Variants in SCRIB observed in about 807,000 individuals in gnomAD.
The protein encoded by SCRIB is scribble planar cell polarity protein.
In SCRIB, 72 loss-of-function variants were observed where a neutral mutation model predicts 170.0. The observed-to-expected ratio is 0.42, with a 90% CI of 0.35 to 0.52. SCRIB has a LOEUF of 0.52. SCRIB is among the 20% of genes least tolerant of loss of function. SCRIB has a pLI of 0.02. For missense variants in SCRIB, 2,475 were observed against 2,338.5 expected, an observed-to-expected ratio of 1.06 and a Z score of -1.20; for synonymous variants, 1,298 against 1,044.3, an observed-to-expected ratio of 1.24 and a Z score of -4.68.
chr8:143,810,821 A>G lies in SCRIB; in HGVS notation c.1274-5T>C, dbSNP rs1197639500. ...TCCCCTGCTGCCCAGCATCCTCTGC[A>G]GCAGGTGAGCGTCAGGACCCAGGCT... On this transcript the variant is annotated splice_polypyrimidine_tract_variant and splice_region_variant and intron_variant, in intron 11 of 36. Transcript: ENST00000356994. The G allele has an allele frequency of 1.9e-6, 3 of 1,601,470 alleles. No individual in the cohort carries two copies. The highest frequency in any genetic ancestry group is 2.5e-6 in the Non-Finnish European group (3 of 1,176,506).
intron 24 of SCRIB, among the ~76,000 whole-genome samples, chr8:143,801,467 C>T (rs1486855822): frequency 6.6e-6 from 1 of 152,164 alleles, no homozygotes; most frequent in Admixed American, 6.5e-5. Context: ...AGGAAAAAAC[C>T]AGAATCCAGA....
Position 143,811,174 on chromosome 8 carries a change from G to C in SCRIB, c.1078C>G (p.Leu360Val). 1 of 1,610,102 alleles carries C rather than the reference G, an allele frequency of 6.2e-7. No individual in the cohort carries two copies. The highest frequency in any genetic ancestry group is 8.5e-7 in the Non-Finnish European group (1 of 1,178,800). Reference protein sequence around the residue: ...LPPELAHTTELHVLDVAGNRL... With the variant: ...LPPELAHTTEVHVLDVAGNRL... ...TTCCCCGCCACGTCCAGCACGTGCA[G>C]CTCTGTCGTGTGGGCCAGCTCTGGT... The change falls in exon 10 of 37, where the codon CTG becomes GTG. Residue 360 changes from leucine to valine, a missense_variant. Coordinates refer to ENST00000356994, the MANE Select transcript of SCRIB (RefSeq NM_182706.5).
chr8:143,811,304 G>A lies in SCRIB; in HGVS notation c.948C>T (p.Asn316=), dbSNP rs770376893. ...RSLGKLTKLT[N]LNVDRNHLEA... Reference sequence around the variant, plus strand: ...CGAGGTGGTTCCGGTCCACGTTGAGGTTGGTCAGCTTAGTCAGCTTTCCCA... The same window carrying A: ...CGAGGTGGTTCCGGTCCACGTTGAGATTGGTCAGCTTAGTCAGCTTTCCCA... The change falls in exon 10 of 37, where the codon AAC becomes AAT. Residue 316 remains asparagine, a synonymous_variant. Transcript: ENST00000356994. The A allele has an allele frequency of 1.5e-5, 24 of 1,612,898 alleles. No homozygotes were observed. In the Admixed American group the frequency reaches 1.7e-4, roughly 11 times the overall value.
intron 1 of SCRIB, among the ~76,000 whole-genome samples, chr8:143,814,558 T>G (rs996733895): frequency 2.0e-5 from 3 of 152,096 alleles, no homozygotes; most frequent in African/African-American, 7.2e-5. Flanking sequence ...ACAGGCACAG[T>G]GCTACGCGCG....
At chr8:143,812,604 A>G (rs761978601) in intron 8 of SCRIB, among the ~76,000 whole-genome samples, 7 of 152,052 alleles carry the variant, frequency 4.6e-5, no homozygotes, top group Non-Finnish European at 7.4e-5. Flanking sequence ...CCGCCCTCAC[A>G]GACTCCACCG....
chr8:143,806,335 A>C (rs2130090887), intron 18 of SCRIB, 72 bp downstream of exon 18: 1 of 1,225,788 alleles, frequency 8.2e-7, no homozygotes, highest in Non-Finnish European at 1.2e-6. Flanking sequence ...GCAGCCAAGC[A>C]CCCTAATACC....
Position 143,803,793 on chromosome 8 carries a change from G to A in SCRIB, c.3268C>T (p.Arg1090Trp), listed in dbSNP as rs782514201. ...RPCLELSLLVRRDPAPPGLRE... is the reference protein window; with the variant it reads ...RPCLELSLLVWRDPAPPGLRE... ...AGGCCCGGGGGTGCCGGGTCCCTCC[G>A]CACCAGCAGCGACAGCTCCAGGCAG... The change falls in exon 23 of 37, where the codon CGG becomes TGG. Residue 1090 changes from arginine (R) to tryptophan (W), a missense_variant. By Grantham distance (101) the Arg-to-Trp change is moderately radical. This residue lies in a region of SCRIB where 1,966 missense variants were observed against 1,742.9 expected (regional missense o/e 1.13). Coordinates refer to ENST00000356994, the MANE Select transcript of SCRIB (RefSeq NM_182706.5). 3.7e-6 allele frequency: 6 copies of A among 1,603,214 alleles called. No individual in the cohort carries two copies. Among genetic ancestry groups the A allele is most frequent in the South Asian group, 1.1e-5 (1 of 90,720 alleles).
intron 15 of SCRIB, among the ~76,000 whole-genome samples, 190 bp from the exon 16 acceptor site, chr8:143,807,804 C>T (rs1230479137): frequency 6.6e-6 from 1 of 152,154 alleles, no homozygotes; most frequent in Non-Finnish European, 1.5e-5. Context: ...AGCGGGGCTC[C>T]AGAGCTGAGC....
intron 26 of SCRIB, 81 bp downstream of exon 26, chr8:143,795,196 G>A (rs1814888500): frequency 6.2e-7 from 1 of 1,600,994 alleles, no homozygotes; most frequent in South Asian, 1.1e-5. Flanking sequence ...GGGGTCCTGG[G>A]GGTTACTACC....
Position 143,795,296 on chromosome 8 carries a change from G to T in SCRIB, c.3752C>A (p.Pro1251His). 6.2e-7 allele frequency: 1 copy of T among 1,612,626 alleles called. No homozygotes were observed. The change falls in exon 26 of 37, where the codon CCC becomes CAC. Residue 1251 changes from proline (P) to histidine (H), a missense_variant. This residue lies in a region of SCRIB where 1,966 missense variants were observed against 1,742.9 expected (regional missense o/e 1.13). Coordinates refer to ENST00000356994, the MANE Select transcript of SCRIB (RefSeq NM_182706.5). ...ELPGQTLHWG[P>H]EATEAAGRGL... is the part of the protein sequence containing the mutation. The stretch of plus-strand genomic sequence containing the variant: ...ACTCACTGCGGCTTCTGTGGCCTCG[G>T]GCCCCCAGTGCAGGGTCTGTCCAGG...
Position 143,795,109 on chromosome 8 carries a change from G to C in SCRIB, c.3775C>G (p.Arg1259Gly), listed in dbSNP as rs781956229. The C allele has an allele frequency of 6.2e-7, 1 of 1,610,986 alleles. No individual in the cohort carries two copies. Among genetic ancestry groups the C allele is most frequent in the South Asian group, 1.1e-5 (1 of 90,910 alleles). ...TCCAGCTTCAGGGGCTGCAGACCCC[G>C]ACCCTGGGGGCAGAGTGAACACAGC... ...WGPEATEAAGRGLQPLKLDYR... is the reference protein window; with the variant it reads ...WGPEATEAAGGGLQPLKLDYR... Residue 1259 changes from arginine (R) to glycine (G), a missense_variant, in exon 27 of 37, where the codon CGG becomes GGG. By Grantham distance (125) the Arg-to-Gly change is moderately radical. This residue lies in a region of SCRIB where 1,966 missense variants were observed against 1,742.9 expected (regional missense o/e 1.13). Transcript: ENST00000356994.
rs546905574 is a variant in SCRIB at position 143,812,791 on chromosome 8, ACCCAGGCACC to A, written c.787+16_787+25del. ...CCCAGGGCCAGGCTCCGTGTGCCCC[ACCCAGGCACC>A]CCCAGGCACACTAACCGATGCCGTC... is the stretch of plus-strand genomic sequence containing the variant. On this transcript the variant is annotated intron_variant, in intron 8 of 36. Transcript: ENST00000356994. 2.3e-5 allele frequency: 36 copies of A among 1,591,224 alleles called. No individual in the cohort carries two copies. Among genetic ancestry groups the A allele is most frequent in the African/African-American group, 1.3e-4 (10 of 74,854 alleles).
chr8:143,812,781 C>T (rs764105803), intron 8 of SCRIB, 36 bp downstream of exon 8: 3 of 1,588,414 alleles, frequency 1.9e-6, no homozygotes, highest in African/African-American at 1.3e-5. Flanking sequence ...GGCCAGGCTC[C>T]GTGTGCCCCA....
chr8:143,791,825 C>T lies in SCRIB; in HGVS notation c.4695+51G>A, dbSNP rs560105431. ...CACGGGGGTGGGGGCAGGCCAGACC[C>T]CACCCCCATGCCTCGGGGGTGAAGG... On this transcript the variant is annotated intron_variant, in intron 34 of 36. Coordinates refer to ENST00000356994, the MANE Select transcript of SCRIB (RefSeq NM_182706.5). The T allele has an allele frequency of 5.1e-5, 77 of 1,506,240 alleles. 2 individuals carry two copies. In the East Asian group the frequency reaches 1.7e-3, roughly 33 times the overall value. 93.3% of individuals were successfully genotyped at this position (1,506,240 alleles called of 1,614,324 possible). A position where few individuals can be genotyped will look rare whatever the true frequency, so the allele number is the denominator to read the frequency against.
In SCRIB at chr8:143,807,457, G is replaced by A. The variant is rs560735803; in HGVS notation, c.2178+95C>T. 1.1e-4 allele frequency: 111 copies of A among 1,007,346 alleles called. 1 individual carries two copies. In the South Asian group the frequency reaches 1.1e-3, roughly 10 times the overall value. 62.4% of individuals were successfully genotyped at this position (1,007,346 alleles called of 1,614,324 possible). A position where few individuals can be genotyped will look rare whatever the true frequency, so the allele number is the denominator to read the frequency against. The stretch of plus-strand genomic sequence containing the variant: ...GAGAGCTCTTTTGAGAGGGATCTGC[G>A]CTCAAGCAACAGGGGCGGGGAGAGG... On this transcript the variant is annotated intron_variant, in intron 16 of 36. Transcript: ENST00000356994.
chr8:143,803,476 G>A lies in SCRIB; in HGVS notation c.3510C>T (p.His1170=), dbSNP rs373217837. ...VNQQSLLGLT[H]GEAVQLLRSV... is the part of the protein sequence containing the mutation. ...TGCGGAGCAGCTGCACCGCCTCGCC[G>A]TGCGTCAGGCCCAGCAGGCTCTGCT... is the stretch of plus-strand genomic sequence containing the variant. The change falls in exon 24 of 37, where the codon CAC becomes CAT. Residue 1170 remains histidine, a synonymous_variant. Transcript: ENST00000356994. 2.4e-5 allele frequency: 38 copies of A among 1,600,024 alleles called. No homozygotes were observed. The highest frequency in any genetic ancestry group is 3.3e-5 in the South Asian group (3 of 90,806).
rs1029948906 is a variant in SCRIB, at chr8:143,811,317, G to A, written c.935C>T (p.Thr312Ile). The A allele has an allele frequency of 3.1e-6, 5 of 1,612,862 alleles. No individual in the cohort carries two copies. The highest frequency in any genetic ancestry group is 4.2e-6 in the Non-Finnish European group (5 of 1,179,884). ...MALPRSLGKL[T>I]KLTNLNVDRN... ...GTCCACGTTGAGGTTGGTCAGCTTA[G>A]TCAGCTTTCCCAGGGAGCGGGGCAG... Residue 312 changes from threonine to isoleucine, a missense_variant, in exon 10 of 37, where the codon ACT becomes ATT. Coordinates refer to ENST00000356994, the MANE Select transcript of SCRIB (RefSeq NM_182706.5).
chr8:143,792,688 C>A lies in SCRIB; in HGVS notation c.4177+20G>T. 6.3e-7 allele frequency: 1 copy of A among 1,588,026 alleles called. No homozygotes were observed. On this transcript the variant is annotated intron_variant, in intron 30 of 36. Transcript: ENST00000356994. ...AGACCAGCCGAGACCCAACCCCCAC[C>A]CCACTTCCGTGCCCCTCACCTTCCT...
Position 143,791,391 on chromosome 8 carries a change from G to A in SCRIB, c.4820C>T (p.Pro1607Leu), listed in dbSNP as rs781833586. 6.2e-6 allele frequency: 10 copies of A among 1,609,508 alleles called. No individual in the cohort carries two copies. Among genetic ancestry groups the A allele is most frequent in the African/African-American group, 5.3e-5 (4 of 74,822 alleles). ...ELRSLEPSPS[P>L]GPQEEDGEVA... ...ACCCCAGCCCGGCCCCAACTCACCA[G>A]GGCTGGGAGATGGTTCCAGGGACCT... The change falls in exon 36 of 37, where the codon CCT (proline) becomes CTT (leucine). Residue 1607 changes from proline to leucine, a missense_variant and splice_region_variant. Physicochemically the swap from Pro to Leu is moderately conservative, Grantham distance 98. Transcript: ENST00000356994.
Sources: allele counts gnomAD v4.1 joint callset (sites outside exome capture counted in the v4.1 genomes callset), GRCh38; gene constraint gnomAD v4.1.1; regional missense constraint gnomAD v4.1.1; transcripts MANE v1.5; gene names NCBI Gene and HGNC (gene_info 2026-07-23, HGNC 2026-07-21).